Variants in IKZF2 observed in about 807,000 individuals in gnomAD.
IKZF2 encodes the protein zinc finger protein Helios.
A neutral mutation model predicts 49.2 loss-of-function variants in IKZF2; 15 were observed. The observed-to-expected ratio is 0.30, with a 90% CI of 0.20 to 0.47. IKZF2 has a LOEUF of 0.47. IKZF2 is among the 20% of genes least tolerant of loss of function. The pLI, the probability that IKZF2 is intolerant of heterozygous loss-of-function variation, is 1.00. For missense variants in IKZF2, 567 were observed against 664.6 expected, an observed-to-expected ratio of 0.85 and a Z score of 1.61; for synonymous variants, 227 against 221.4, an observed-to-expected ratio of 1.03 and a Z score of -0.23.
chr2:213,009,920 T>C (rs1203382926), intron 8 of IKZF2, among the ~76,000 whole-genome samples: 2 of 152,112 alleles, frequency 1.3e-5, no homozygotes, highest in African/African-American at 2.4e-5. Context: ...GAATTACTTA[T>C]ACTTCAATAA....
intron 4 of IKZF2, among the ~76,000 whole-genome samples, chr2:213,104,432 CTGAG>C (rs2059455346): frequency 6.6e-6 from 1 of 152,158 alleles, no homozygotes; most frequent in African/African-American, 2.4e-5. Context: ...TATCATTTTA[CTGAG>C]TGAAGAAAAA....
chr2:213,104,423 A>G (rs1426631370), intron 4 of IKZF2, among the ~76,000 whole-genome samples: 2 of 152,180 alleles, frequency 1.3e-5, no homozygotes, highest in East Asian at 3.8e-4. Flanking sequence ...AGCCAAAAGT[A>G]TCATTTTACT....
chr2:213,119,036 C>T (rs905221606), intron 4 of IKZF2, among the ~76,000 whole-genome samples: 4 of 152,128 alleles, frequency 2.6e-5, no homozygotes, highest in Non-Finnish European at 5.9e-5. Flanking sequence ...TGTTCTATGA[C>T]AGGATGGAAA....
rs398091046 is a variant in IKZF2 at position 213,150,447 on chromosome 2, G to GA, written c.-119-201dup. On this transcript the variant is annotated intron_variant, in intron 1 of 8. Coordinates refer to ENST00000434687, the MANE Select transcript of IKZF2 (RefSeq NM_001387220.1). ...AACAAAACCAAGAAATGAGAGAGAA[G>GA]AACACCCCCCTCCTCCTCCTCCTCC... 29 of 94,548 alleles carry GA rather than the reference G, an allele frequency of 3.1e-4. 1 individual carries two copies. Among genetic ancestry groups the GA allele is most frequent in the South Asian group, 1.6e-3 (25 of 15,410 alleles). The allele number at this position is 94,548 out of a possible 1,614,324, so 5.9% of individuals were successfully genotyped here.
intron 4 of IKZF2, among the ~76,000 whole-genome samples, chr2:213,077,580 C>CTTTTTTT (rs58528665): frequency 5.2e-4 from 31 of 59,478 alleles, no homozygotes; most frequent in South Asian, 1.2e-3. Flanking sequence ...ATTCTATGTA[C>CTTTTTTT]TTTTTTTTTT....
intron 6 of IKZF2, among the ~76,000 whole-genome samples, chr2:213,040,869 G>A (rs1328642792): frequency 1.3e-5 from 2 of 152,162 alleles, no homozygotes; most frequent in South Asian, 2.1e-4. Flanking sequence ...TGTAATCCCA[G>A]CACTTTGGGA....
chr2:213,140,868 T>C (rs2060839565), intron 4 of IKZF2, among the ~76,000 whole-genome samples: 1 of 152,010 alleles, frequency 6.6e-6, no homozygotes, highest in Admixed American at 6.6e-5. Flanking sequence ...AATATGGTAT[T>C]AAACTACTGT....
chr2:213,080,491 T>A (rs1045064895), intron 4 of IKZF2, among the ~76,000 whole-genome samples: 1 of 152,134 alleles, frequency 6.6e-6, no homozygotes, highest in African/African-American at 2.4e-5. Context: ...ACTATTATAA[T>A]TCAGAAAACT....
intron 4 of IKZF2, among the ~76,000 whole-genome samples, chr2:213,136,189 G>T (rs191759351): frequency 6.6e-6 from 1 of 151,282 alleles, no homozygotes; most frequent in Admixed American, 6.6e-5. Flanking sequence ...GACCAACTTA[G>T]TGAAACCCTG....
intron 4 of IKZF2, among the ~76,000 whole-genome samples, chr2:213,137,112 G>T (rs2060706013): frequency 6.6e-6 from 1 of 151,868 alleles, no homozygotes; most frequent in African/African-American, 2.4e-5. Flanking sequence ...AGGTACGGGG[G>T]TGTTTCTTTT....
At chr2:213,129,126 A>C (rs1559311567) in intron 4 of IKZF2, among the ~76,000 whole-genome samples, 1 of 151,950 alleles carries the variant, frequency 6.6e-6, no homozygotes, top group Non-Finnish European at 1.5e-5. Flanking sequence ...ACAAGGAGTC[A>C]GTTCATCTGT....
At chr2:213,057,158 T>C (rs1701242250) in intron 4 of IKZF2, 59 bp from the exon 5 acceptor site, 5 of 1,432,460 alleles carry the variant, frequency 3.5e-6, no homozygotes, top group Non-Finnish European at 4.8e-6. Flanking sequence ...CTCACCTACA[T>C]CTCTTTTCTA....
chr2:213,087,086 T>C (rs1297978215), intron 4 of IKZF2, among the ~76,000 whole-genome samples: 4 of 152,132 alleles, frequency 2.6e-5, no homozygotes, highest in Non-Finnish European at 4.4e-5. Flanking sequence ...GTGGTAATCT[T>C]AGGTTTTGAA....
chr2:213,131,315 G>T (rs773416853), intron 4 of IKZF2, among the ~76,000 whole-genome samples: 9 of 151,960 alleles, frequency 5.9e-5, no homozygotes, highest in Non-Finnish European at 1.5e-5. Context: ...TTTAGCTACT[G>T]GATTAAAGTT....
intron 4 of IKZF2, among the ~76,000 whole-genome samples, chr2:213,135,180 CTTGT>C (rs1312889981): frequency 6.6e-6 from 1 of 152,064 alleles, no homozygotes. Context: ...TAAAAGTAAA[CTTGT>C]TTGTTACATG....
intron 4 of IKZF2, among the ~76,000 whole-genome samples, chr2:213,108,417 G>C (rs1480760933): frequency 6.6e-6 from 1 of 152,066 alleles, no homozygotes; most frequent in Non-Finnish European, 1.5e-5. Context: ...AAAAGACAGA[G>C]GGGCCAGCTT....
intron 4 of IKZF2, among the ~76,000 whole-genome samples, chr2:213,073,500 G>T (rs75673066): frequency 0.022 from 3,303 of 152,174 alleles, 122 homozygotes; most frequent in African/African-American, 0.075. Flanking sequence ...AATATAAAAA[G>T]GTTTTAGAGT....
At chr2:213,075,837 A>T (rs1370137158) in intron 4 of IKZF2, among the ~76,000 whole-genome samples, 5 of 152,158 alleles carry the variant, frequency 3.3e-5, no homozygotes, top group Admixed American at 6.5e-5. Flanking sequence ...CAAACTAAAG[A>T]ATATGGAAAG....
At chr2:213,125,215 A>G (rs191397412) in intron 4 of IKZF2, among the ~76,000 whole-genome samples, 23 of 152,286 alleles carry the variant, frequency 1.5e-4, no homozygotes, top group African/African-American at 5.5e-4. Flanking sequence ...ACTTAACATC[A>G]AATCATCCAT....
Sources: gnomAD v4.1 joint callset for allele counts (sites outside exome capture counted in the v4.1 genomes callset) on GRCh38, gnomAD v4.1.1 for gene constraint, MANE v1.5 for transcripts, NCBI Gene and HGNC (gene_info 2026-07-23, HGNC 2026-07-21) for gene names.